The following MYRIP variants were observed in gnomAD, a reference collection of about 807,000 sequenced individuals.
MYRIP encodes the protein myosin VIIA and Rab interacting protein.
Under a neutral mutation model 98.0 loss-of-function variants are expected in MYRIP, and 49 were observed. That is an observed-to-expected ratio of 0.50 (90% CI 0.40 to 0.63). MYRIP has a LOEUF of 0.63. Ranked by LOEUF, MYRIP falls within the 30% of genes least tolerant of loss-of-function variation. MYRIP has a pLI of 0.00. For missense variants in MYRIP, 1,004 were observed against 1,058.2 expected (o/e 0.95, Z 0.71); for synonymous variants, 404 against 409.5 (o/e 0.99, Z 0.16).
At chr3:39,876,708 T>C (rs896984299) in intron 1 of MYRIP, among the ~76,000 whole-genome samples, 1 of 152,122 alleles carries the variant, frequency 6.6e-6, no homozygotes, top group East Asian at 1.9e-4. Context: ...TGCCGAGAGA[T>C]CTGCTGTTAG....
chr3:39,820,103 A>C (rs1314088626), intron 1 of MYRIP, among the ~76,000 whole-genome samples: 1 of 152,184 alleles, frequency 6.6e-6, no homozygotes, highest in Admixed American at 6.5e-5. Context: ...AAGAAAATGC[A>C]AAACGTGTGT....
At chr3:39,994,687 A>G (rs1946289536) in intron 2 of MYRIP, among the ~76,000 whole-genome samples, 1 of 152,226 alleles carries the variant, frequency 6.6e-6, no homozygotes, top group Non-Finnish European at 1.5e-5. Context: ...TTTGAAGAGA[A>G]TAATGGTTCT....
chr3:40,232,200 A>G (rs1229024864), intron 11 of MYRIP, among the ~76,000 whole-genome samples: 1 of 152,084 alleles, frequency 6.6e-6, no homozygotes, highest in Non-Finnish European at 1.5e-5. Context: ...AAACATGGCT[A>G]TTGGGTCAGT....
At chr3:40,113,834 C>T (rs371941755) in intron 3 of MYRIP, among the ~76,000 whole-genome samples, 19 of 152,174 alleles carry the variant, frequency 1.2e-4, no homozygotes, top group Middle Eastern at 3.4e-3. Context: ...GAACTACAGG[C>T]GCCCACCACC....
chr3:40,234,330 A>G (rs1245663099), intron 12 of MYRIP, among the ~76,000 whole-genome samples: 1 of 152,198 alleles, frequency 6.6e-6, no homozygotes, highest in Non-Finnish European at 1.5e-5. Context: ...CCAAGCAAGG[A>G]CATGATCTTA....
chr3:40,201,688 T>C (rs766240189), intron 10 of MYRIP, among the ~76,000 whole-genome samples: 1 of 152,148 alleles, frequency 6.6e-6, no homozygotes, highest in Non-Finnish European at 1.5e-5. Flanking sequence ...TATTATAATA[T>C]TAATTTCTAT....
At chr3:39,980,419 C>T (rs1945862054) in intron 2 of MYRIP, among the ~76,000 whole-genome samples, 1 of 152,178 alleles carries the variant, frequency 6.6e-6, no homozygotes, top group Non-Finnish European at 1.5e-5. Context: ...AGGGAGACAG[C>T]AACAGAGAAA....
At chr3:40,234,368 G>A (rs532196178) in intron 12 of MYRIP, among the ~76,000 whole-genome samples, 1 of 152,308 alleles carries the variant, frequency 6.6e-6, no homozygotes, top group Admixed American at 6.5e-5. Context: ...GCCTGATCCT[G>A]CAGGGAGCTC....
At chr3:40,238,913 A>C (rs761221293) in intron 12 of MYRIP, among the ~76,000 whole-genome samples, 1 of 151,946 alleles carries the variant, frequency 6.6e-6, no homozygotes, top group Non-Finnish European at 1.5e-5. Flanking sequence ...TTTTATTTTT[A>C]TTTATTATTA....
chr3:39,960,114 T>A (rs893501506), intron 2 of MYRIP, among the ~76,000 whole-genome samples: 1 of 152,236 alleles, frequency 6.6e-6, no homozygotes, highest in Admixed American at 6.6e-5. Flanking sequence ...CAGCAGTGGA[T>A]GTGACAGTGA....
At chr3:40,077,742 A>G (rs1575518751) in intron 3 of MYRIP, among the ~76,000 whole-genome samples, 1 of 152,166 alleles carries the variant, frequency 6.6e-6, no homozygotes, top group Non-Finnish European at 1.5e-5. Flanking sequence ...GCATTCACAA[A>G]CCCTGAGCTA....
At chr3:40,119,127 T>C (rs958455545) in intron 3 of MYRIP, among the ~76,000 whole-genome samples, 3 of 152,170 alleles carry the variant, frequency 2.0e-5, no homozygotes, top group Admixed American at 1.3e-4. Context: ...ATGGTATTTC[T>C]AGTTCTAGAT....
At chr3:40,029,054 G>A (rs1947199071) in intron 2 of MYRIP, among the ~76,000 whole-genome samples, 1 of 152,040 alleles carries the variant, frequency 6.6e-6, no homozygotes, top group Admixed American at 6.6e-5. Context: ...AGTTCACAGA[G>A]CTTTATGATC....
chr3:39,908,541 T>C (rs186980366), intron 2 of MYRIP, among the ~76,000 whole-genome samples: 2 of 152,242 alleles, frequency 1.3e-5, no homozygotes, highest in Admixed American at 1.3e-4. Flanking sequence ...TAGAAATAAT[T>C]TGTGTTTCTA....
intron 10 of MYRIP, among the ~76,000 whole-genome samples, chr3:40,193,585 G>C (rs889905925): frequency 6.6e-6 from 1 of 152,186 alleles, no homozygotes; most frequent in Non-Finnish European, 1.5e-5. Context: ...TATGAGAAGT[G>C]GAACTGCTGA....
At chr3:39,979,973 G>T (rs373149952) in intron 2 of MYRIP, among the ~76,000 whole-genome samples, 3 of 152,294 alleles carry the variant, frequency 2.0e-5, no homozygotes, top group African/African-American at 7.2e-5. Context: ...AAGCAAAGGT[G>T]AGCACAGGAG....
intron 2 of MYRIP, among the ~76,000 whole-genome samples, chr3:39,931,806 T>C (rs1944544415): frequency 6.6e-6 from 1 of 152,222 alleles, no homozygotes; most frequent in Non-Finnish European, 1.5e-5. Flanking sequence ...TAGCGTACAA[T>C]TCAGATAGAC....
chr3:39,878,253 C>T (rs913506848), intron 1 of MYRIP, among the ~76,000 whole-genome samples: 2 of 152,212 alleles, frequency 1.3e-5, no homozygotes, highest in Non-Finnish European at 2.9e-5. Flanking sequence ...TCTGTCACCC[C>T]TTTCTTTGAC....
At chr3:40,078,253 C>T (rs1008300205) in intron 3 of MYRIP, among the ~76,000 whole-genome samples, 2 of 152,242 alleles carry the variant, frequency 1.3e-5, no homozygotes, top group African/African-American at 2.4e-5. Flanking sequence ...CCACCCGGAA[C>T]TCCAGCTGGC....
Sources: gnomAD v4.1 joint callset for allele counts (sites outside exome capture counted in the v4.1 genomes callset) on GRCh38, gnomAD v4.1.1 for gene constraint, MANE v1.5 for transcripts, NCBI Gene and HGNC (gene_info 2026-07-23, HGNC 2026-07-21) for gene names.